Variants in SLC25A21 observed in about 807,000 individuals in gnomAD.
SLC25A21 encodes the protein solute carrier family 25 member 21.
Under a neutral mutation model 43.8 loss-of-function variants are expected in SLC25A21, and 47 were observed. That is an observed-to-expected ratio of 1.07 (90% CI 0.85 to 1.37). The LOEUF (loss-of-function observed/expected upper bound fraction) is 1.37, where lower values mean the gene tolerates loss of function less well. Ranked by LOEUF, SLC25A21 falls within the 40% of genes most tolerant of loss-of-function variation. The pLI, the probability that SLC25A21 is intolerant of heterozygous loss-of-function variation, is 0.00. For synonymous variants in SLC25A21, 131 were observed against 121.3 expected (o/e 1.08, Z -0.52); for missense variants, 352 against 350.2 (o/e 1.00, Z -0.04).
intron 3 of SLC25A21, among the ~76,000 whole-genome samples, chr14:36,758,825 C>A (rs908458230): frequency 7.9e-5 from 12 of 152,168 alleles, no homozygotes; most frequent in African/African-American, 2.7e-4. Context: ...CAAGCAAAAA[C>A]TCCTGAAGAG....
intron 1 of SLC25A21, among the ~76,000 whole-genome samples, chr14:37,171,441 T>C (rs374264578): frequency 8.6e-6 from 1 of 116,912 alleles, no homozygotes; most frequent in Admixed American, 8.9e-5. Context: ...CTATAATTTA[T>C]TGAAAGAATG....
At position 37,098,697 on chromosome 14, in the gene SLC25A21, T is replaced by TTAGATAGA. The variant is rs139250576; in HGVS notation, c.70+73576_70+73583dup. On this transcript the variant is annotated intron_variant, in intron 1 of 9. Transcript: ENST00000331299. ...CTAATTGATTCTCCTTATAGGACGA[T>TTAGATAGA]TAGATAGATAGATAGATAGATAGAT... is the stretch of plus-strand genomic sequence containing the variant. 1.4e-3 allele frequency: 168 copies of TTAGATAGA among 117,216 alleles called. 1 individual carries two copies. Among genetic ancestry groups the TTAGATAGA allele is most frequent in the African/African-American group, 4.1e-3 (143 of 34,928 alleles). 7.3% of individuals were successfully genotyped at this position (117,216 alleles called of 1,614,324 possible).
At chr14:36,854,823 C>A (rs1889849004) in intron 2 of SLC25A21, among the ~76,000 whole-genome samples, 1 of 151,620 alleles carries the variant, frequency 6.6e-6, no homozygotes, top group South Asian at 2.1e-4. Flanking sequence ...AAAAGGAAAC[C>A]AGGGATGGTC....
chr14:37,068,168 G>A (rs573111405), intron 1 of SLC25A21, among the ~76,000 whole-genome samples: 52 of 152,322 alleles, frequency 3.4e-4, no homozygotes, highest in African/African-American at 1.2e-3. Context: ...CCATCATACC[G>A]GGAATAAGGA....
At chr14:36,829,275 T>C (rs1361427803) in intron 2 of SLC25A21, among the ~76,000 whole-genome samples, 1 of 152,108 alleles carries the variant, frequency 6.6e-6, no homozygotes, top group Non-Finnish European at 1.5e-5. Context: ...TCCTGTGTTA[T>C]CCTACTTCCA....
At chr14:37,172,095 TACTCGCAATCA>T (rs1013779354) in intron 1 of SLC25A21, 175 bp downstream of exon 1, 2 of 610,556 alleles carry the variant, frequency 3.3e-6, no homozygotes, top group African/African-American at 1.9e-5. Flanking sequence ...GGGCACCCAC[TACTCGCAATCA>T]ACTCCCGGCC....
intron 1 of SLC25A21, among the ~76,000 whole-genome samples, chr14:37,091,818 G>C (rs879740645): frequency 7.9e-5 from 12 of 152,228 alleles, no homozygotes; most frequent in Admixed American, 5.9e-4. Context: ...GAAAGCCTCT[G>C]AGTTATTTCC....
rs143593201 is a variant in SLC25A21 at position 36,857,756 on chromosome 14, C to A, written c.119+17200G>T. The stretch of plus-strand genomic sequence containing the variant: ...GAGGTGCTGACATCACTTAACTCTC[C>A]CTAGGAGAGGGGCATTGGCATCATT... On this transcript the variant is annotated intron_variant, in intron 2 of 9. Transcript: ENST00000331299. 4.1e-4 allele frequency among the ~76,000 whole-genome samples: 62 copies of A among 152,292 alleles called. No homozygotes were observed. The South Asian group carries it at 7.9e-3, about 19-fold the overall frequency.
At chr14:37,172,142 C>CT in intron 1 of SLC25A21, 139 bp downstream of exon 1, 1 of 892,008 alleles carries the variant, frequency 1.1e-6, no homozygotes, top group Non-Finnish European at 1.7e-6. Flanking sequence ...CCTCTAGGGG[C>CT]TCAAGCACTG....
chr14:37,172,079 T>A lies in SLC25A21; in HGVS notation c.70+202A>T, dbSNP rs1312168110. 3 of 563,878 alleles carry A rather than the reference T, an allele frequency of 5.3e-6. No individual in the cohort carries two copies. The South Asian group carries it at 8.6e-5, about 16-fold the overall frequency. 34.9% of individuals were successfully genotyped at this position (563,878 alleles called of 1,614,324 possible). On this transcript the variant is annotated intron_variant, in intron 1 of 9. Transcript: ENST00000331299. ...GCCGGCGCGGACGCCGAGGCAACTT[T>A]ACTTGGGGCACCCACTACTCGCAAT...
intron 1 of SLC25A21, among the ~76,000 whole-genome samples, chr14:37,040,082 C>A (rs1308102075): frequency 6.6e-6 from 1 of 151,014 alleles, no homozygotes; most frequent in Non-Finnish European, 1.5e-5. Context: ...CACCTGTAAT[C>A]CCAGCTACTC....
At chr14:36,834,841 C>T (rs1889154855) in intron 2 of SLC25A21, among the ~76,000 whole-genome samples, 1 of 152,170 alleles carries the variant, frequency 6.6e-6, no homozygotes, top group South Asian at 2.1e-4. Flanking sequence ...AAAAAAAAAT[C>T]TTTTCCTAGA....
intron 1 of SLC25A21, among the ~76,000 whole-genome samples, chr14:36,891,704 T>C (rs555939801): frequency 1.3e-5 from 2 of 152,262 alleles, no homozygotes; most frequent in South Asian, 2.1e-4. Context: ...AGTGTAGCCA[T>C]GTGACTAACT....
intron 1 of SLC25A21, among the ~76,000 whole-genome samples, chr14:37,137,505 G>C (rs893383124): frequency 6.6e-6 from 1 of 152,100 alleles, no homozygotes; most frequent in African/African-American, 2.4e-5. Flanking sequence ...TTTTCTTATA[G>C]AATTTTGTCA....
At chr14:36,948,817 T>A (rs1010422225) in intron 1 of SLC25A21, among the ~76,000 whole-genome samples, 4 of 152,120 alleles carry the variant, frequency 2.6e-5, no homozygotes, top group Non-Finnish European at 5.9e-5. Context: ...TTAAATATTA[T>A]GTTAATATTT....
At chr14:36,902,568 TAA>T (rs1343035923) in intron 1 of SLC25A21, among the ~76,000 whole-genome samples, 2 of 152,228 alleles carry the variant, frequency 1.3e-5, no homozygotes, top group Admixed American at 1.3e-4. Context: ...AAGGTGTTCA[TAA>T]ACTACTAGAA....
chr14:36,858,959 G>A (rs970640571), intron 2 of SLC25A21, among the ~76,000 whole-genome samples: 1 of 152,094 alleles, frequency 6.6e-6, no homozygotes, highest in African/African-American at 2.4e-5. Context: ...ATGTAACAAG[G>A]AAATAGAAAT....
At chr14:36,849,838 T>C (rs1415154931) in intron 2 of SLC25A21, among the ~76,000 whole-genome samples, 7 of 152,204 alleles carry the variant, frequency 4.6e-5, no homozygotes, top group Non-Finnish European at 1.0e-4. Flanking sequence ...ATCTAGGACT[T>C]TGACTTCTAA....
chr14:36,869,910 C>T (rs1222234412), intron 2 of SLC25A21, among the ~76,000 whole-genome samples: 1 of 152,108 alleles, frequency 6.6e-6, no homozygotes, highest in African/African-American at 2.4e-5. Flanking sequence ...GTTCAACAAG[C>T]CCCACCACAT....
Sources: gnomAD v4.1 joint callset for allele counts (sites outside exome capture counted in the v4.1 genomes callset) on GRCh38, gnomAD v4.1.1 for gene constraint, MANE v1.5 for transcripts, NCBI Gene and HGNC (gene_info 2026-07-23, HGNC 2026-07-21) for gene names.